TAFA1: variants seen among roughly 807,000 people sequenced by gnomAD.
TAFA1 encodes chemokine-like protein TAFA-1.
Under a neutral mutation model 18.5 loss-of-function variants are expected in TAFA1, and 4 were observed. The observed-to-expected ratio is 0.22, with a 90% CI of 0.11 to 0.49. The LOEUF (loss-of-function observed/expected upper bound fraction) is 0.49, where lower values mean the gene tolerates loss of function less well. Ranked by LOEUF, TAFA1 falls within the 20% of genes least tolerant of loss-of-function variation. TAFA1 has a pLI of 0.98. For synonymous variants in TAFA1, 56 were observed against 55.2 expected, an observed-to-expected ratio of 1.01 and a Z score of -0.06; for missense variants, 147 against 169.0, an observed-to-expected ratio of 0.87 and a Z score of 0.72.
At chr3:68,316,102 G>T (rs1231197969) in intron 2 of TAFA1, among the ~76,000 whole-genome samples, 1 of 152,198 alleles carries the variant, frequency 6.6e-6, no homozygotes, top group Non-Finnish European at 1.5e-5. Context: ...AACCTTTCCA[G>T]TTGTAATTAA....
At chr3:68,128,617 A>G (rs1434259057) in intron 2 of TAFA1, among the ~76,000 whole-genome samples, 1 of 152,162 alleles carries the variant, frequency 6.6e-6, no homozygotes, top group East Asian at 1.9e-4. Context: ...TGTCTGCCAA[A>G]TTCTTATGAT....
At chr3:68,499,235 T>A (rs900450905) in intron 3 of TAFA1, among the ~76,000 whole-genome samples, 1 of 150,160 alleles carries the variant, frequency 6.7e-6, no homozygotes, top group African/African-American at 2.4e-5. Context: ...AGGGTAGAAT[T>A]TTTCATAGAA....
intron 2 of TAFA1, among the ~76,000 whole-genome samples, chr3:68,017,852 T>A (rs891175607): frequency 2.6e-5 from 4 of 152,214 alleles, no homozygotes; most frequent in African/African-American, 9.6e-5. Flanking sequence ...CATAACTGAA[T>A]AGGGTACTAT....
intron 3 of TAFA1, among the ~76,000 whole-genome samples, chr3:68,484,714 G>T (rs1283379573): frequency 2.0e-5 from 3 of 152,082 alleles, no homozygotes; most frequent in Non-Finnish European, 2.9e-5. Flanking sequence ...TAATCCTAGA[G>T]GCAGAAGTAG....
At chr3:68,204,631 C>A (rs2066505284) in intron 2 of TAFA1, among the ~76,000 whole-genome samples, 2 of 151,680 alleles carry the variant, frequency 1.3e-5, no homozygotes, top group Admixed American at 6.6e-5. Context: ...GAAAATGGGG[C>A]TAATCCCAAA....
intron 2 of TAFA1, among the ~76,000 whole-genome samples, chr3:68,131,829 T>C (rs563437596): frequency 6.6e-6 from 1 of 152,272 alleles, no homozygotes; most frequent in South Asian, 2.1e-4. Flanking sequence ...TTTCTGTGTC[T>C]CAGCTTTTTT....
chr3:68,121,857 A>C (rs1007531449), intron 2 of TAFA1, among the ~76,000 whole-genome samples: 3 of 152,160 alleles, frequency 2.0e-5, no homozygotes, highest in Non-Finnish European at 4.4e-5. Context: ...TTTTGCAGGC[A>C]TCCTGGAATG....
At chr3:68,515,746 T>G (rs12488594) in intron 3 of TAFA1, among the ~76,000 whole-genome samples, 37,877 of 152,152 alleles carry the variant, frequency 0.25, 5,145 homozygotes, top group East Asian at 0.49. Flanking sequence ...ACCTTCCTTA[T>G]GTGTAAAATG....
chr3:68,300,044 C>A (rs146527602), intron 2 of TAFA1, among the ~76,000 whole-genome samples: 7 of 152,228 alleles, frequency 4.6e-5, no homozygotes, highest in African/African-American at 1.7e-4. Context: ...AGAGTCCCCA[C>A]GGGGGCACTG....
chr3:68,120,307 T>A (rs2065384159), intron 2 of TAFA1, among the ~76,000 whole-genome samples: 1 of 151,260 alleles, frequency 6.6e-6, no homozygotes, highest in South Asian at 2.1e-4. Context: ...TGGAGTGCAC[T>A]GGTGCAATCT....
At chr3:68,334,806 C>A (rs1288325116) in intron 2 of TAFA1, among the ~76,000 whole-genome samples, 1 of 152,064 alleles carries the variant, frequency 6.6e-6, no homozygotes, top group East Asian at 1.9e-4. Context: ...AATGAAGGAT[C>A]TATCATCTTG....
intron 2 of TAFA1, among the ~76,000 whole-genome samples, chr3:68,319,689 ATG>A (rs1166961667): frequency 6.6e-6 from 1 of 152,192 alleles, no homozygotes; most frequent in Non-Finnish European, 1.5e-5. Flanking sequence ...TCACTTTTTC[ATG>A]TCCCCATCCC....
At chr3:68,198,461 G>T (rs1390138218) in intron 2 of TAFA1, among the ~76,000 whole-genome samples, 2 of 151,628 alleles carry the variant, frequency 1.3e-5, no homozygotes, top group Admixed American at 6.6e-5. Context: ...GTCTTCAAAA[G>T]TGTCTGTAAT....
Position 68,294,277 on chromosome 3 carries a change from G to A in TAFA1, c.119-123003G>A, listed in dbSNP as rs533184958. Among the ~76,000 whole-genome samples the A allele has an allele frequency of 5.3e-5, 8 of 152,124 alleles. No individual in the cohort carries two copies. In the East Asian group the frequency reaches 1.5e-3, roughly 29 times the overall value. On this transcript the variant is annotated intron_variant, in intron 2 of 4. Transcript: ENST00000478136. ...ATATGTTACTTTAAATTTTCATGTAGCCACATTTTAAAAAGTAAAAAAAAG... is the reference window on the plus strand; with the variant it reads ...ATATGTTACTTTAAATTTTCATGTAACCACATTTTAAAAAGTAAAAAAAAG...
At chr3:68,086,703 G>A (rs1471182517) in intron 2 of TAFA1, among the ~76,000 whole-genome samples, 2 of 152,194 alleles carry the variant, frequency 1.3e-5, no homozygotes. Flanking sequence ...GGTGATAGCA[G>A]CTTTTGCCAA....
At chr3:68,451,147 T>A (rs1250932671) in intron 3 of TAFA1, among the ~76,000 whole-genome samples, 1 of 152,110 alleles carries the variant, frequency 6.6e-6, no homozygotes. Flanking sequence ...TGTCCCAATA[T>A]CCAGGCTATG....
intron 2 of TAFA1, among the ~76,000 whole-genome samples, chr3:68,241,559 T>A (rs191090634): frequency 5.3e-5 from 8 of 152,284 alleles, no homozygotes; most frequent in Admixed American, 5.2e-4. Flanking sequence ...TCCAGCTAAG[T>A]GTGCTTTTCC....
In TAFA1 at chr3:68,237,286, A is replaced by G. The variant is rs187968805; in HGVS notation, c.119-179994A>G. 2.0e-3 allele frequency among the ~76,000 whole-genome samples: 306 copies of G among 152,236 alleles called. 6 individuals are homozygous for G. The highest frequency in any genetic ancestry group is 9.3e-3 in the East Asian group (48 of 5,158). Reference sequence around the variant, plus strand: ...CAACTCTCTGGGGCCTTTTCCGTAAAGGCACTAGTCACATTTGTGAGGGCA... The same window carrying G: ...CAACTCTCTGGGGCCTTTTCCGTAAGGGCACTAGTCACATTTGTGAGGGCA... On this transcript the variant is annotated intron_variant, in intron 2 of 4. Coordinates refer to ENST00000478136, the MANE Select transcript of TAFA1 (RefSeq NM_213609.4).
intron 2 of TAFA1, among the ~76,000 whole-genome samples, chr3:68,265,623 C>G (rs1439163460): frequency 6.6e-6 from 1 of 152,156 alleles, no homozygotes; most frequent in African/African-American, 2.4e-5. Flanking sequence ...GGGTTCACCT[C>G]CAGGCCTGAG....
Sources: gnomAD v4.1 joint callset for allele counts (sites outside exome capture counted in the v4.1 genomes callset) on GRCh38, gnomAD v4.1.1 for gene constraint, MANE v1.5 for transcripts, NCBI Gene and HGNC (gene_info 2026-07-23, HGNC 2026-07-21) for gene names.